The following HYDIN variants were observed in gnomAD, a reference collection of about 807,000 sequenced individuals.
The protein encoded by HYDIN is axonemal central pair apparatus protein HYDIN.
HYDIN carries 132 observed loss-of-function variants against 403.9 expected under a neutral mutation model. That is an observed-to-expected ratio of 0.33 (90% confidence interval 0.28 to 0.38). The LOEUF is 0.38. Ranked by LOEUF, HYDIN falls within the 10% of genes least tolerant of loss-of-function variation. HYDIN has a pLI of 1.00. For missense variants in HYDIN, 2,827 were observed against 5,009.5 expected, an observed-to-expected ratio of 0.56 and a Z score of 13.15; for synonymous variants, 1,202 against 1,891.7, an observed-to-expected ratio of 0.64 and a Z score of 9.46.
At chr16:70,978,319 A>G (rs559093209) in intron 30 of HYDIN, among the ~76,000 whole-genome samples, 2 of 149,114 alleles carry the variant, frequency 1.3e-5, no homozygotes, top group South Asian at 4.4e-4. Flanking sequence ...CCCCACTGTC[A>G]TCACCATTGC....
intron 8 of HYDIN, among the ~76,000 whole-genome samples, chr16:71,135,644 T>C (rs527533336): frequency 1.2e-4 from 19 of 152,194 alleles, no homozygotes; most frequent in African/African-American, 4.1e-4. Flanking sequence ...TTCAAGCATG[T>C]TGGGCCATTT....
intron 45 of HYDIN, among the ~76,000 whole-genome samples, chr16:70,933,937 A>G (rs1334882894): frequency 2.0e-5 from 3 of 152,046 alleles, no homozygotes; most frequent in Non-Finnish European, 2.9e-5. Context: ...TCAGCCTTAG[A>G]CCAAGCAGGA....
intron 27 of HYDIN, among the ~76,000 whole-genome samples, chr16:70,986,396 G>A (rs1049764669): frequency 1.3e-5 from 2 of 152,168 alleles, no homozygotes. Context: ...GACATGAGCC[G>A]AAACCAAGTG....
intron 1 of HYDIN, among the ~76,000 whole-genome samples, chr16:71,191,410 T>C (rs446245): frequency 0.27 from 41,387 of 152,002 alleles, 7,432 homozygotes; most frequent in Non-Finnish European, 0.39. Context: ...AAAATGCGCG[T>C]GTTTGCGTTT....
intron 84 of HYDIN, among the ~76,000 whole-genome samples, chr16:70,817,772 TA>T (rs1363612692): frequency 6.6e-6 from 1 of 152,028 alleles, no homozygotes; most frequent in Non-Finnish European, 1.5e-5. Flanking sequence ...GATAGAGTCT[TA>T]CTCTGTTGCC....
intron 75 of HYDIN, among the ~76,000 whole-genome samples, chr16:70,848,647 T>C (rs983214050): frequency 9.4e-6 from 1 of 106,778 alleles, no homozygotes; most frequent in African/African-American, 3.7e-5. Context: ...CTCCCAGCTT[T>C]TGCTGAGGGG....
intron 21 of HYDIN, among the ~76,000 whole-genome samples, chr16:71,021,747 TTCCTAGGCC>T (rs1335056377): frequency 6.6e-6 from 1 of 152,196 alleles, no homozygotes; most frequent in Non-Finnish European, 1.5e-5. Flanking sequence ...TAGTCTGTCT[TTCCTAGGCC>T]TCCTTGTTTT....
chr16:71,169,575 A>G (rs866820007), intron 5 of HYDIN, among the ~76,000 whole-genome samples: 3 of 152,248 alleles, frequency 2.0e-5, no homozygotes, highest in South Asian at 2.1e-4. Context: ...CATAAGAGGT[A>G]CAAATACTAC....
chr16:71,203,673 AC>A, intron 1 of HYDIN: 1 of 451,538 alleles, frequency 2.2e-6, no homozygotes, highest in Non-Finnish European at 4.4e-6. Flanking sequence ...AATTCCATAC[AC>A]AAATTATTCT....
chr16:71,110,448 AATATATAAAT>A (rs1202592968), intron 10 of HYDIN, among the ~76,000 whole-genome samples: 1 of 142,034 alleles, frequency 7.0e-6, no homozygotes, highest in African/African-American at 2.6e-5. Flanking sequence ...TAAATAATAT[AATATATAAAT>A]ATATATAAAC....
At chr16:71,221,646 T>A (rs557831257) in intron 1 of HYDIN, among the ~76,000 whole-genome samples, 1 of 152,054 alleles carries the variant, frequency 6.6e-6, no homozygotes, top group Non-Finnish European at 1.5e-5. Context: ...TAATAAAAAT[T>A]AAAACTCAAT....
At chr16:70,968,753 C>A (rs944032708) in intron 36 of HYDIN, among the ~76,000 whole-genome samples, 5 of 152,300 alleles carry the variant, frequency 3.3e-5, no homozygotes, top group South Asian at 2.1e-4. Flanking sequence ...AACTAAAAAT[C>A]CTTCATCATA....
chr16:70,830,038 A>G (rs1447537049), intron 80 of HYDIN, among the ~76,000 whole-genome samples: 2 of 152,050 alleles, frequency 1.3e-5, no homozygotes, highest in African/African-American at 4.8e-5. Context: ...GGTGGTAGAG[A>G]TGTAGCAATG....
intron 7 of HYDIN, among the ~76,000 whole-genome samples, chr16:71,146,309 T>C (rs1409530517): frequency 7.0e-6 from 1 of 142,212 alleles, no homozygotes; most frequent in African/African-American, 2.7e-5. Context: ...TTTCAGCAAC[T>C]AACATAAGCA....
Position 71,182,206 on chromosome 16 carries a change from T to C in HYDIN, c.261+2659A>G, listed in dbSNP as rs182365421. Among the ~76,000 whole-genome samples, 3 of 152,228 alleles carry C rather than the reference T, an allele frequency of 2.0e-5. No homozygotes were observed. In the East Asian group the frequency reaches 5.8e-4, roughly 29 times the overall value. On this transcript the variant is annotated intron_variant, in intron 3 of 85. Transcript: ENST00000393567. ...AGGCAGGACTAGATGGTACAGGACC[T>C]TGGAGGTTTTGGCACTGAGTTTAGA...
chr16:71,061,539 C>CCCTCTT (rs148705363), intron 17 of HYDIN, among the ~76,000 whole-genome samples: 14 of 152,296 alleles, frequency 9.2e-5, no homozygotes, highest in South Asian at 4.1e-4. Flanking sequence ...TTCCATGAAT[C>CCCTCTT]CCTCTTCCTC....
At chr16:71,090,743 G>A (rs1260654910) in intron 11 of HYDIN, among the ~76,000 whole-genome samples, 2 of 151,948 alleles carry the variant, frequency 1.3e-5, no homozygotes, top group Non-Finnish European at 1.5e-5. Flanking sequence ...GGGCTCAAGC[G>A]ATCCTTCCAC....
chr16:71,030,932 G>A (rs967198755), intron 19 of HYDIN, among the ~76,000 whole-genome samples: 17 of 152,020 alleles, frequency 1.1e-4, no homozygotes, highest in Non-Finnish European at 2.2e-4. Flanking sequence ...CGGGCACGGT[G>A]GCTCATGCCT....
intron 44 of HYDIN, among the ~76,000 whole-genome samples, chr16:70,937,253 A>G (rs935069006): frequency 6.7e-5 from 10 of 149,966 alleles, no homozygotes; most frequent in African/African-American, 2.5e-4. Context: ...TGAAAGCAAC[A>G]GCCCTGGTGA....
Sources: allele counts gnomAD v4.1 joint callset (sites outside exome capture counted in the v4.1 genomes callset), GRCh38; gene constraint gnomAD v4.1.1; transcripts MANE v1.5; gene names NCBI Gene and HGNC (gene_info 2026-07-23, HGNC 2026-07-21).